RBFOX1: variants seen among roughly 807,000 people sequenced by gnomAD.
RBFOX1 encodes the protein RNA binding protein fox-1 homolog 1.
Under a neutral mutation model 57.7 loss-of-function variants are expected in RBFOX1, and 8 were observed. The observed-to-expected ratio is 0.14, with a 90% confidence interval of 0.08 to 0.25. RBFOX1 has a LOEUF of 0.25. Among genes scored for constraint, RBFOX1 ranks in the 10% least tolerant of loss-of-function variants. The pLI is 1.00. For synonymous variants in RBFOX1, 326 were observed against 222.4 expected (o/e 1.47, Z -4.15); for missense variants, 611 against 548.5 (o/e 1.11, Z -1.14).
intron 2 of RBFOX1, among the ~76,000 whole-genome samples, chr16:6,574,123 C>G (rs927943640): frequency 6.6e-6 from 1 of 152,176 alleles, no homozygotes; most frequent in Non-Finnish European, 1.5e-5. Flanking sequence ...GAGCTGCACA[C>G]TCAAGGAGAT....
intron 4 of RBFOX1, among the ~76,000 whole-genome samples, chr16:7,344,052 A>C (rs1387268599): frequency 6.6e-6 from 1 of 151,564 alleles, no homozygotes; most frequent in Non-Finnish European, 1.5e-5. Context: ...CTACTGGCTA[A>C]GAGTATGAGC....
chr16:5,971,125 C>T (rs1026300608), intron 4 of RBFOX1, among the ~76,000 whole-genome samples: 6 of 152,192 alleles, frequency 3.9e-5, no homozygotes, highest in African/African-American at 1.4e-4. Context: ...GCTGTCAACA[C>T]GTTTATTGAG....
chr16:5,734,561 G>A (rs1030884430), intron 3 of RBFOX1, among the ~76,000 whole-genome samples: 2 of 152,206 alleles, frequency 1.3e-5, no homozygotes, highest in African/African-American at 4.8e-5. Flanking sequence ...AAATGAGGCA[G>A]CATCCATGTT....
At chr16:7,230,664 T>C (rs2093446066) in intron 4 of RBFOX1, among the ~76,000 whole-genome samples, 1 of 152,162 alleles carries the variant, frequency 6.6e-6, no homozygotes, top group Non-Finnish European at 1.5e-5. Context: ...TGAAAATCAG[T>C]TGAGATACTA....
chr16:5,372,206 C>A (rs866152282), intron 1 of RBFOX1, among the ~76,000 whole-genome samples: 1 of 152,168 alleles, frequency 6.6e-6, no homozygotes, highest in Non-Finnish European at 1.5e-5. Flanking sequence ...CCAAGGCCAG[C>A]TGGGATGTTG....
intron 2 of RBFOX1, among the ~76,000 whole-genome samples, chr16:6,480,450 G>A (rs1825031479): frequency 6.6e-6 from 1 of 152,152 alleles, no homozygotes; most frequent in African/African-American, 2.4e-5. Flanking sequence ...CTCATTCATG[G>A]ATGCTGAAAT....
intron 2 of RBFOX1, among the ~76,000 whole-genome samples, chr16:6,579,629 G>T (rs2097504085): frequency 6.6e-6 from 1 of 152,170 alleles, no homozygotes; most frequent in Non-Finnish European, 1.5e-5. Flanking sequence ...ACGATTAGAA[G>T]TGTTCTGAGG....
In RBFOX1 at chr16:7,273,204, CCCTTCCTTCCTTCCTT is replaced by C. The variant is rs545705118; in HGVS notation, c.27+221150_27+221165del. 2.8e-3 allele frequency among the ~76,000 whole-genome samples: 99 copies of C among 35,172 alleles called. 4 individuals are homozygous for C. Among genetic ancestry groups the C allele is most frequent in the South Asian group, 0.023 (12 of 530 alleles). The allele number at this position is 35,172 out of a possible 152,430, so 23.1% of individuals were successfully genotyped here. ...TTCCTTCCTCCCTTCCTTCCTCCCT[CCCTTCCTTCCTTCCTT>C]CCTTCCTTCCTTCCTTCCTTCCTTC... On this transcript the variant is annotated intron_variant, in intron 4 of 15. Coordinates refer to ENST00000550418, the MANE Select transcript of RBFOX1 (RefSeq NM_018723.4).
intron 1 of RBFOX1, among the ~76,000 whole-genome samples, chr16:5,274,148 G>A (rs2063084476): frequency 6.6e-6 from 1 of 152,174 alleles, no homozygotes. Flanking sequence ...ATCCATCGCT[G>A]CATCTCTCAT....
chr16:5,340,058 G>C (rs1272081604), intron 1 of RBFOX1, among the ~76,000 whole-genome samples: 1 of 152,144 alleles, frequency 6.6e-6, no homozygotes, highest in Non-Finnish European at 1.5e-5. Flanking sequence ...GGCCAGATTT[G>C]AATTTCCTTA....
chr16:6,979,774 T>A (rs1272635175), intron 3 of RBFOX1, among the ~76,000 whole-genome samples: 4 of 152,174 alleles, frequency 2.6e-5, no homozygotes, highest in Non-Finnish European at 5.9e-5. Flanking sequence ...AATGCAAAAA[T>A]CATCTCAGTG....
chr16:6,411,360 G>A (rs1026368499), intron 2 of RBFOX1, among the ~76,000 whole-genome samples: 2 of 152,126 alleles, frequency 1.3e-5, no homozygotes, highest in African/African-American at 4.8e-5. Context: ...TGATCAAAAT[G>A]GCAAAAATGT....
At chr16:6,987,138 T>A (rs899292204) in intron 3 of RBFOX1, among the ~76,000 whole-genome samples, 2 of 152,048 alleles carry the variant, frequency 1.3e-5, no homozygotes, top group Non-Finnish European at 1.5e-5. Context: ...GGCCTAATAA[T>A]GGGAGCTCAG....
At chr16:5,724,002 G>A (rs956983921) in intron 3 of RBFOX1, among the ~76,000 whole-genome samples, 10 of 139,128 alleles carry the variant, frequency 7.2e-5, no homozygotes, top group African/African-American at 2.4e-4. Flanking sequence ...GAGTGTCGGT[G>A]TATAGCTCCC....
intron 4 of RBFOX1, among the ~76,000 whole-genome samples, chr16:7,451,191 G>C (rs1167897130): frequency 1.3e-5 from 2 of 152,164 alleles, no homozygotes; most frequent in African/African-American, 4.8e-5. Flanking sequence ...AGGGACATCG[G>C]ATTTCTATGG....
chr16:5,383,396 A>G (rs966373987), intron 1 of RBFOX1, among the ~76,000 whole-genome samples: 2 of 152,184 alleles, frequency 1.3e-5, no homozygotes, highest in Non-Finnish European at 2.9e-5. Flanking sequence ...GGTCTCCTCT[A>G]ACCCAAGGCA....
At chr16:5,276,970 G>C (rs11076903) in intron 1 of RBFOX1, among the ~76,000 whole-genome samples, 4 of 151,998 alleles carry the variant, frequency 2.6e-5, no homozygotes, top group African/African-American at 9.7e-5. Context: ...GGAAGTCATC[G>C]TATGAAAAAG....
At chr16:7,428,570 C>T (rs1417776448) in intron 4 of RBFOX1, among the ~76,000 whole-genome samples, 2 of 147,986 alleles carry the variant, frequency 1.4e-5, no homozygotes, top group Non-Finnish European at 3.0e-5. Flanking sequence ...AGGGTTTTGC[C>T]ATGTTGGCCA....
At chr16:6,221,770 C>T (rs2097374947) in intron 1 of RBFOX1, among the ~76,000 whole-genome samples, 1 of 152,010 alleles carries the variant, frequency 6.6e-6, no homozygotes, top group Admixed American at 6.6e-5. Flanking sequence ...AGAGGAACTC[C>T]CATCTATAAA....
Sources: allele counts gnomAD v4.1 joint callset (sites outside exome capture counted in the v4.1 genomes callset), GRCh38; gene constraint gnomAD v4.1.1; transcripts MANE v1.5; gene names NCBI Gene and HGNC (gene_info 2026-07-23, HGNC 2026-07-21).